The following RBFOX3 variants were observed in gnomAD, a reference collection of about 807,000 sequenced individuals.
RBFOX3 encodes RNA binding fox-1 homolog 3, also known as RNA binding protein fox-1 homolog 3.
A neutral mutation model predicts 48.7 loss-of-function variants in RBFOX3; 17 were observed. The ratio of observed to expected loss-of-function variants is 0.35; its 90% confidence interval spans 0.24 to 0.52. The LOEUF (loss-of-function observed/expected upper bound fraction) is 0.52. RBFOX3 is among the 20% of genes least tolerant of loss of function. The pLI, the probability that RBFOX3 is intolerant of heterozygous loss-of-function variation, is 0.94. For synonymous variants in RBFOX3, 212 were observed against 209.5 expected, an observed-to-expected ratio of 1.01 and a Z score of -0.10; for missense variants, 382 against 497.5, an observed-to-expected ratio of 0.77 and a Z score of 2.21.
chr17:79,475,185 C>T (rs1020529912), intron 2 of RBFOX3, among the ~76,000 whole-genome samples: 117 of 152,262 alleles, frequency 7.7e-4, no homozygotes, highest in Non-Finnish European at 1.5e-3. Context: ...GATCTCAGCT[C>T]ATCGTTCCAG....
At chr17:79,114,050 T>C (rs965906750) in intron 5 of RBFOX3, among the ~76,000 whole-genome samples, 43 of 152,150 alleles carry the variant, frequency 2.8e-4, no homozygotes, top group Non-Finnish European at 3.2e-4. Context: ...AGGCTCACCA[T>C]GAGAGACCCC....
chr17:79,537,525 G>A (rs2089015113), intron 1 of RBFOX3, among the ~76,000 whole-genome samples: 1 of 152,128 alleles, frequency 6.6e-6, no homozygotes, highest in Admixed American at 6.5e-5. Flanking sequence ...AATGCCAAGG[G>A]GGGACAGTGT....
intron 2 of RBFOX3, among the ~76,000 whole-genome samples, chr17:79,453,086 A>G (rs1220190665): frequency 1.3e-5 from 2 of 152,224 alleles, no homozygotes; most frequent in African/African-American, 2.4e-5. Flanking sequence ...CAAATGAGCG[A>G]ATTTCTGCAG....
At chr17:79,563,225 A>C (rs1935499276) in intron 1 of RBFOX3, among the ~76,000 whole-genome samples, 1 of 152,166 alleles carries the variant, frequency 6.6e-6, no homozygotes, top group Non-Finnish European at 1.5e-5. Flanking sequence ...GTCTTTGAAA[A>C]AAAAAAAACA....
At chr17:79,536,148 C>G (rs528418580) in intron 1 of RBFOX3, among the ~76,000 whole-genome samples, 1 of 148,700 alleles carries the variant, frequency 6.7e-6, no homozygotes, top group African/African-American at 2.5e-5. Flanking sequence ...GTGATCTCAG[C>G]TTACTGCAAC....
chr17:79,502,003 G>A (rs1429037059), intron 1 of RBFOX3, among the ~76,000 whole-genome samples: 1 of 152,236 alleles, frequency 6.6e-6, no homozygotes. Flanking sequence ...CCAGGGTGAA[G>A]TGGACAGATC....
At chr17:79,401,086 T>C (rs748800236) in intron 2 of RBFOX3, among the ~76,000 whole-genome samples, 2 of 152,268 alleles carry the variant, frequency 1.3e-5, no homozygotes, top group Non-Finnish European at 2.9e-5. Flanking sequence ...TCTCCAGTGC[T>C]GCCCTGCAGA....
chr17:79,100,744 T>A (rs1222754030), intron 9 of RBFOX3, among the ~76,000 whole-genome samples: 1 of 152,230 alleles, frequency 6.6e-6, no homozygotes, highest in Non-Finnish European at 1.5e-5. Flanking sequence ...AACGTACGCC[T>A]GCTCTGCTCA....
At chr17:79,428,207 C>A (rs1476161489) in intron 2 of RBFOX3, among the ~76,000 whole-genome samples, 1 of 152,238 alleles carries the variant, frequency 6.6e-6, no homozygotes, top group African/African-American at 2.4e-5. Context: ...GGTGTGGCAC[C>A]AGCACAAACC....
intron 1 of RBFOX3, among the ~76,000 whole-genome samples, chr17:79,536,107 C>T (rs1459871454): frequency 6.6e-6 from 1 of 152,218 alleles, no homozygotes; most frequent in Non-Finnish European, 1.5e-5. Context: ...CAGACACCCT[C>T]ACTCTGTCAC....
At chr17:79,489,195 T>C (rs1242898783) in intron 1 of RBFOX3, among the ~76,000 whole-genome samples, 1 of 149,432 alleles carries the variant, frequency 6.7e-6, no homozygotes, top group African/African-American at 2.5e-5. Context: ...GTTCATTTTA[T>C]TGCAGAGAGC....
chr17:79,117,150 T>C lies in RBFOX3; in HGVS notation c.-33-1402A>G, dbSNP rs991407909. The stretch of plus-strand genomic sequence containing the variant: ...ACACAGCCTGGGGCCCAGGACCCCC[T>C]GAGCAGGCGAGGCACTCGCCCCCCC... On this transcript the variant is annotated intron_variant, in intron 4 of 14. Transcript: ENST00000693108. 1.9e-4 allele frequency among the ~76,000 whole-genome samples: 29 copies of C among 152,200 alleles called. 1 individual carries two copies. The highest frequency in any genetic ancestry group is 1.9e-3 in the Admixed American group (29 of 15,286).
chr17:79,388,885 C>T lies in RBFOX3; in HGVS notation c.-174-81061G>A, dbSNP rs75009267. ...CTGAGCTGTGCTCACCGATCACCAT[C>T]CTCTCCCAGCGGCAGGGAACAGATT... On this transcript the variant is annotated intron_variant, in intron 2 of 14. Coordinates refer to ENST00000693108, the MANE Select transcript of RBFOX3 (RefSeq NM_001350451.2). Among the ~76,000 whole-genome samples, 116 of 152,372 alleles carry T rather than the reference C, an allele frequency of 7.6e-4. No individual in the cohort carries two copies. In the East Asian group the frequency reaches 0.021, roughly 27 times the overall value.
chr17:79,099,535 G>A (rs552566131), intron 9 of RBFOX3: 5 of 152,296 alleles, frequency 3.3e-5, no homozygotes, highest in African/African-American at 1.2e-4. Context: ...CCCAAGCCCA[G>A]ACTCCCCGGG....
intron 4 of RBFOX3, among the ~76,000 whole-genome samples, chr17:79,148,383 G>A (rs2043520159): frequency 6.6e-6 from 1 of 152,210 alleles, no homozygotes; most frequent in African/African-American, 2.4e-5. Context: ...CATGCCCTGT[G>A]CCCCACTGCT....
chr17:79,620,165 G>GCACA, the RBFOX3 span, among the ~76,000 whole-genome samples: 52 of 144,746 alleles, frequency 3.6e-4, no homozygotes, highest in African/African-American at 1.1e-3. Flanking sequence ...GCGCGGACAT[G>GCACA]CACACACATG....
At chr17:79,280,321 A>G (rs1323874497) in intron 3 of RBFOX3, among the ~76,000 whole-genome samples, 1 of 151,756 alleles carries the variant, frequency 6.6e-6, no homozygotes, top group Non-Finnish European at 1.5e-5. Flanking sequence ...CAACACACCC[A>G]CCCTCTGAGG....
intron 2 of RBFOX3, among the ~76,000 whole-genome samples, chr17:79,435,745 G>T (rs1208278031): frequency 6.6e-6 from 1 of 152,132 alleles, no homozygotes; most frequent in Non-Finnish European, 1.5e-5. Context: ...TAGTTCACAG[G>T]GTGTCTCCAT....
intron 13 of RBFOX3, 68 bp from the exon 14 acceptor site, chr17:79,094,597 G>C: frequency 1.1e-6 from 1 of 923,860 alleles, no homozygotes; most frequent in Non-Finnish European, 1.5e-6. Flanking sequence ...GGGCAGCAAC[G>C]GCCTCCCACC....
Sources: allele counts gnomAD v4.1 joint callset (sites outside exome capture counted in the v4.1 genomes callset), GRCh38; gene constraint gnomAD v4.1.1; transcripts MANE v1.5; gene names NCBI Gene and HGNC (gene_info 2026-07-23, HGNC 2026-07-21).